FBP1: variants seen among roughly 807,000 people sequenced by gnomAD.
The protein encoded by FBP1 is fructose-bisphosphatase 1.
Under a neutral mutation model 29.9 loss-of-function variants are expected in FBP1, and 22 were observed. The ratio of observed to expected loss-of-function variants is 0.74; its 90% CI spans 0.53 to 1.05. The LOEUF (loss-of-function observed/expected upper bound fraction) is 1.05. Ranked by LOEUF, FBP1 falls within the 50% of genes least tolerant of loss-of-function variation. The pLI is 0.00. For synonymous variants in FBP1, 175 were observed against 178.6 expected, an observed-to-expected ratio of 0.98 and a Z score of 0.16; for missense variants, 345 against 448.2, an observed-to-expected ratio of 0.77 and a Z score of 2.08.
chr9:94,623,326 C>T (rs562815638), intron 1 of FBP1, among the ~76,000 whole-genome samples: 2 of 152,300 alleles, frequency 1.3e-5, no homozygotes, highest in East Asian at 1.9e-4. Context: ...CAAATAGCAC[C>T]GATGGACCAG....
intron 1 of FBP1, among the ~76,000 whole-genome samples, chr9:94,633,619 G>A (rs1163870013): frequency 2.0e-5 from 3 of 152,112 alleles, no homozygotes; most frequent in South Asian, 2.1e-4. Context: ...TCCAGCCGCC[G>A]GGCCTTTTGC....
chr9:94,620,588 G>A, intron 1 of FBP1, 97 bp from the exon 2 acceptor site: 2 of 1,216,996 alleles, frequency 1.6e-6, no homozygotes, highest in East Asian at 5.0e-5. Flanking sequence ...GTAAGATTTA[G>A]AAGAAAGAGT....
At chr9:94,632,550 C>T (rs1469236869) in intron 1 of FBP1, among the ~76,000 whole-genome samples, 1 of 152,004 alleles carries the variant, frequency 6.6e-6, no homozygotes, top group Non-Finnish European at 1.5e-5. Context: ...AACCTATAAT[C>T]CCAGCTACCT....
At chr9:94,629,425 A>T (rs1035601306) in intron 1 of FBP1, among the ~76,000 whole-genome samples, 1 of 152,190 alleles carries the variant, frequency 6.6e-6, no homozygotes, top group African/African-American at 2.4e-5. Context: ...GGAAGAACTA[A>T]TTCACCTCTC....
chr9:94,616,901 T>TCCC (rs1827871479), intron 3 of FBP1, among the ~76,000 whole-genome samples: 1 of 149,756 alleles, frequency 6.7e-6, no homozygotes, highest in East Asian at 2.0e-4. Flanking sequence ...CTCCTCCTCC[T>TCCC]CCCTCTCCTC....
chr9:94,607,615 C>G (rs777335300), intron 4 of FBP1, among the ~76,000 whole-genome samples: 1 of 152,192 alleles, frequency 6.6e-6, no homozygotes, highest in African/African-American at 2.4e-5. Flanking sequence ...GCTTTAGGCT[C>G]TTCAAAGGAG....
intron 1 of FBP1, among the ~76,000 whole-genome samples, chr9:94,622,184 C>T (rs535245070): frequency 1.4e-4 from 22 of 152,320 alleles, no homozygotes; most frequent in African/African-American, 3.6e-4. Flanking sequence ...CTTGTCTAAA[C>T]GCAGCCTAGC....
chr9:94,637,740 A>G (rs1288501061), intron 1 of FBP1, among the ~76,000 whole-genome samples: 1 of 152,078 alleles, frequency 6.6e-6, no homozygotes, highest in East Asian at 1.9e-4. Context: ...ATGTTAGTAA[A>G]GTGTATGGAC....
intron 5 of FBP1, among the ~76,000 whole-genome samples, chr9:94,606,361 A>T (rs994474140): frequency 6.6e-6 from 1 of 152,216 alleles, no homozygotes. Flanking sequence ...CAAGGGGCAG[A>T]CACCACTTGA....
At position 94,605,518 on chromosome 9, in the gene FBP1, C is replaced by T. The variant is rs28369761; in HGVS notation, c.764G>A (p.Arg255His). 4 of 1,613,656 alleles carry T rather than the reference C, an allele frequency of 2.5e-6. No homozygotes were observed. Among genetic ancestry groups the T allele is most frequent in the Non-Finnish European group, 3.4e-6 (4 of 1,179,718 alleles). Residue 255 changes from arginine (R) to histidine (H), a missense_variant, in exon 6 of 7, where the codon CGC (arginine) becomes CAC (histidine). Physicochemically the swap from Arg to His is conservative, Grantham distance 29. Coordinates refer to ENST00000375326, the MANE Select transcript of FBP1 (RefSeq NM_000507.4). ...AAATATCCCTCCGTAGACCAGAGTG[C>T]GATGAACATCAGCCACCATGGAGCC... is the stretch of plus-strand genomic sequence containing the variant. ...YVGSMVADVH[R>H]TLVYGGIFLY...
In FBP1 at chr9:94,639,200, C is replaced by G. The variant is rs1244378830; in HGVS notation, c.111G>C (p.Ser37=). 2 of 1,604,072 alleles carry G rather than the reference C, an allele frequency of 1.2e-6. No individual in the cohort carries two copies. Among genetic ancestry groups the G allele is most frequent in the South Asian group, 1.1e-5 (1 of 89,242 alleles). The change falls in exon 1 of 7, where the codon TCG becomes TCC. Residue 37 remains serine, a synonymous_variant. Transcript: ENST00000375326. ...AGATGGCTTTGACTGCTGTGCAGAG[C>G]GAGTTGAGCAGCTGGGTCAACTCGC... ...GTGELTQLLN[S]LCTAVKAISS... is the part of the protein sequence containing the mutation.
chr9:94,616,344 G>T (rs770164389), intron 3 of FBP1, among the ~76,000 whole-genome samples: 44 of 148,848 alleles, frequency 3.0e-4, no homozygotes, highest in Admixed American at 8.7e-4. Flanking sequence ...TACTATTCTC[G>T]TGAGGTATAA....
intron 1 of FBP1, among the ~76,000 whole-genome samples, chr9:94,622,081 T>A (rs1194122720): frequency 6.6e-6 from 1 of 151,832 alleles, no homozygotes. Flanking sequence ...CTGGCAGGAG[T>A]CCTAGGGCAT....
chr9:94,635,104 A>C (rs1008594170), intron 1 of FBP1, among the ~76,000 whole-genome samples: 2 of 152,016 alleles, frequency 1.3e-5, no homozygotes, highest in African/African-American at 2.4e-5. Flanking sequence ...AAAAAAAAAA[A>C]AAAAAACCAG....
intron 5 of FBP1, among the ~76,000 whole-genome samples, chr9:94,606,139 C>T (rs1378209420): frequency 2.0e-5 from 3 of 152,130 alleles, no homozygotes; most frequent in African/African-American, 4.8e-5. Context: ...CCTTGAACGT[C>T]CTGCAAACAT....
intron 2 of FBP1, among the ~76,000 whole-genome samples, chr9:94,619,874 CAAAAAAAAAAAAAAAA>C (rs56722632): frequency 6.1e-5 from 6 of 99,158 alleles, no homozygotes; most frequent in Non-Finnish European, 9.0e-5. Flanking sequence ...AACACTGTCT[CAAAAAAAAAAAAAAAA>C]AAAAAAAAAA....
At chr9:94,605,821 G>C (rs984867561) in intron 5 of FBP1, among the ~76,000 whole-genome samples, 1 of 152,174 alleles carries the variant, frequency 6.6e-6, no homozygotes, top group Non-Finnish European at 1.5e-5. Flanking sequence ...CGAGGGTATG[G>C]TTGATTCTGG....
At chr9:94,608,299 G>A (rs937921214) in intron 4 of FBP1, among the ~76,000 whole-genome samples, 8 of 152,208 alleles carry the variant, frequency 5.3e-5, no homozygotes, top group East Asian at 1.9e-4. Flanking sequence ...GTCAGGCACC[G>A]CAGACAGAAG....
intron 1 of FBP1, among the ~76,000 whole-genome samples, chr9:94,631,722 G>A (rs1000983842): frequency 6.6e-6 from 1 of 152,204 alleles, no homozygotes; most frequent in African/African-American, 2.4e-5. Flanking sequence ...CTCGGGCTCG[G>A]AACACGCAGC....
Sources: allele counts gnomAD v4.1 joint callset (sites outside exome capture counted in the v4.1 genomes callset), GRCh38; gene constraint gnomAD v4.1.1; transcripts MANE v1.5; gene names NCBI Gene and HGNC (gene_info 2026-07-23, HGNC 2026-07-21).